The following RAB31 variants were observed in gnomAD, a reference collection of about 807,000 sequenced individuals.
The protein encoded by RAB31 is RAB31, member RAS oncogene family.
Under a neutral mutation model 25.6 loss-of-function variants are expected in RAB31, and 21 were observed. The ratio of observed to expected loss-of-function variants is 0.82; its 90% CI spans 0.58 to 1.18. The LOEUF (loss-of-function observed/expected upper bound fraction) is 1.18. RAB31 is among the 50% of genes most tolerant of loss of function. RAB31 has a pLI of 0.00. For missense variants in RAB31, 196 were observed against 250.1 expected (o/e 0.78, Z 1.46); for synonymous variants, 87 against 84.0 (o/e 1.04, Z -0.20).
At chr18:9,767,742 T>G (rs1415758216) in intron 1 of RAB31, among the ~76,000 whole-genome samples, 1 of 152,148 alleles carries the variant, frequency 6.6e-6, no homozygotes, top group Non-Finnish European at 1.5e-5. Context: ...TATTACACTT[T>G]AAGTTCTGGG....
In RAB31 at chr18:9,766,812, C is replaced by G. The variant is rs1297135778; in HGVS notation, c.40-8466C>G. On this transcript the variant is annotated intron_variant, in intron 1 of 6. Coordinates refer to ENST00000578921, the MANE Select transcript of RAB31 (RefSeq NM_006868.4). The surrounding 1 kb of genome is among the most constrained non-coding windows in gnomAD (Gnocchi z 4.3). ...TACCAAAATAAAAATAAAAAATTAG[C>G]CTAGCATGGTGGTGTGCACCTGTAG... 6.6e-6 allele frequency among the ~76,000 whole-genome samples: 1 copy of G among 152,006 alleles called. No individual in the cohort carries two copies. Among genetic ancestry groups the G allele is most frequent in the Non-Finnish European group, 1.5e-5 (1 of 68,020 alleles).
intron 1 of RAB31, among the ~76,000 whole-genome samples, chr18:9,746,002 G>A (rs1429310057): frequency 6.6e-6 from 1 of 152,168 alleles, no homozygotes; most frequent in Non-Finnish European, 1.5e-5. Flanking sequence ...AGGTGATATG[G>A]TCCTAGATAT....
At chr18:9,859,182 T>C in intron 6 of RAB31, 46 bp from the exon 7 acceptor site, 1 of 1,486,550 alleles carries the variant, frequency 6.7e-7, no homozygotes, top group Non-Finnish European at 9.4e-7. Flanking sequence ...TGTGCAGTGT[T>C]GGCTGTAGGA....
chr18:9,758,383 A>G (rs1364740279), intron 1 of RAB31, among the ~76,000 whole-genome samples: 1 of 151,480 alleles, frequency 6.6e-6, no homozygotes, highest in African/African-American at 2.4e-5. Flanking sequence ...AAAAGCCCCA[A>G]ATGTCTGACC....
intron 5 of RAB31, chr18:9,830,211 C>T (rs951505751): frequency 2.0e-5 from 3 of 151,914 alleles, no homozygotes; most frequent in Non-Finnish European, 4.4e-5. Flanking sequence ...GGGGGTGTTG[C>T]TATATTGCCA....
In RAB31 at chr18:9,809,234, C is replaced by T. The variant is rs115578596; in HGVS notation, c.202-4786C>T. Among the ~76,000 whole-genome samples the T allele has an allele frequency of 3.3e-3, 503 of 152,320 alleles. 1 individual carries two copies. The highest frequency in any genetic ancestry group is 0.012 in the African/African-American group (482 of 41,548). On this transcript the variant is annotated intron_variant, in intron 3 of 6. Coordinates refer to ENST00000578921, the MANE Select transcript of RAB31 (RefSeq NM_006868.4). Reference sequence around the variant, plus strand: ...TCAGCTTTGTGTCTGACCCCACCCACTGCACCAGTTTCACAAAATAAGAAA... The same window carrying T: ...TCAGCTTTGTGTCTGACCCCACCCATTGCACCAGTTTCACAAAATAAGAAA...
chr18:9,852,266 T>A (rs1480664217), intron 6 of RAB31, among the ~76,000 whole-genome samples: 2 of 152,208 alleles, frequency 1.3e-5, no homozygotes, highest in Non-Finnish European at 2.9e-5. Flanking sequence ...ATAATTTTTT[T>A]AAACAATGAC....
chr18:9,807,013 T>C (rs1335890217), intron 3 of RAB31, among the ~76,000 whole-genome samples: 1 of 152,162 alleles, frequency 6.6e-6, no homozygotes, highest in Non-Finnish European at 1.5e-5. Context: ...TGGAGCTCAC[T>C]GGATATCTGA....
At chr18:9,806,592 C>G (rs919244184) in intron 3 of RAB31, among the ~76,000 whole-genome samples, 3 of 152,012 alleles carry the variant, frequency 2.0e-5, no homozygotes. Flanking sequence ...CAAGAAGGGA[C>G]CAGGTCCCAC....
chr18:9,847,528 A>T (rs921225162), intron 6 of RAB31, among the ~76,000 whole-genome samples: 1 of 152,204 alleles, frequency 6.6e-6, no homozygotes, highest in Admixed American at 6.5e-5. Flanking sequence ...AATATCAAAT[A>T]AGGACCTGAA....
chr18:9,734,692 G>T (rs1448743898), intron 1 of RAB31, among the ~76,000 whole-genome samples: 1 of 152,232 alleles, frequency 6.6e-6, no homozygotes, highest in Non-Finnish European at 1.5e-5. Flanking sequence ...AAGGACTCGA[G>T]TCTCTGGCGC....
intron 3 of RAB31, among the ~76,000 whole-genome samples, chr18:9,803,470 T>C (rs1337496172): frequency 2.0e-5 from 3 of 152,158 alleles, no homozygotes; most frequent in Non-Finnish European, 4.4e-5. Context: ...ATGACTGTGC[T>C]TTCTACCAAT....
At chr18:9,838,624 C>A (rs2068716527) in intron 5 of RAB31, among the ~76,000 whole-genome samples, 1 of 152,150 alleles carries the variant, frequency 6.6e-6, no homozygotes, top group African/African-American at 2.4e-5. Context: ...CTTCCACAAA[C>A]AACAAAACAA....
rs117627285 is a variant in RAB31 at position 9,803,988 on chromosome 18, C to T, written c.202-10032C>T. The stretch of plus-strand genomic sequence containing the variant: ...CATGTTCATATACGAAGATACCTTT[C>T]GGGAGTTCTTAGGGAAACACTGTAA... On this transcript the variant is annotated intron_variant, in intron 3 of 6. Transcript: ENST00000578921. 1.1e-3 allele frequency among the ~76,000 whole-genome samples: 161 copies of T among 152,348 alleles called. 1 individual carries two copies. In the East Asian group the frequency reaches 0.026, roughly 25 times the overall value.
chr18:9,717,710 C>T (rs1033252015), intron 1 of RAB31, among the ~76,000 whole-genome samples: 10 of 151,626 alleles, frequency 6.6e-5, no homozygotes, highest in East Asian at 1.9e-4. Context: ...CAGAGAGACA[C>T]GCACGTACAC....
intron 1 of RAB31, chr18:9,722,627 A>G (rs1251834469): frequency 1.3e-5 from 2 of 152,232 alleles, no homozygotes; most frequent in Non-Finnish European, 2.9e-5. Flanking sequence ...ATATTTATAC[A>G]GTGGAATAGT....
chr18:9,750,927 C>T (rs1248929751), intron 1 of RAB31, among the ~76,000 whole-genome samples: 1 of 152,200 alleles, frequency 6.6e-6, no homozygotes, highest in Non-Finnish European at 1.5e-5. Context: ...AAAACGTGAA[C>T]AGACCAAAGG....
At chr18:9,773,666 T>C (rs142758218) in intron 1 of RAB31, among the ~76,000 whole-genome samples, 63 of 152,278 alleles carry the variant, frequency 4.1e-4, no homozygotes, top group African/African-American at 1.5e-3. Flanking sequence ...ATTTTTAATA[T>C]ATATATTTTT....
intron 1 of RAB31, among the ~76,000 whole-genome samples, chr18:9,763,662 T>C (rs2068300263): frequency 6.6e-6 from 1 of 150,942 alleles, no homozygotes; most frequent in African/African-American, 2.4e-5. Flanking sequence ...GGAGTTCCAG[T>C]AGGATAGAAG....
Sources: gnomAD v4.1 joint callset for allele counts (sites outside exome capture counted in the v4.1 genomes callset) on GRCh38, gnomAD v4.1.1 for gene constraint, Gnocchi (gnomAD v3.1) non-coding constraint, MANE v1.5 for transcripts, NCBI Gene and HGNC (gene_info 2026-07-23, HGNC 2026-07-21) for gene names.